The following AGO2 variants were observed in gnomAD, a reference collection of about 807,000 sequenced individuals.
AGO2 encodes protein argonaute-2.
A neutral mutation model predicts 102.3 loss-of-function variants in AGO2; 5 were observed. The ratio of observed to expected loss-of-function variants is 0.05; its 90% CI spans 0.03 to 0.10. AGO2 has a LOEUF of 0.10. Among genes scored for constraint, AGO2 ranks in the 10% least tolerant of loss-of-function variants. AGO2 has a pLI of 1.00. For missense variants in AGO2, 541 were observed against 1,183.7 expected, an observed-to-expected ratio of 0.46 and a Z score of 7.97; for synonymous variants, 449 against 473.1, an observed-to-expected ratio of 0.95 and a Z score of 0.66.
At chr8:140,561,841 C>T (rs941022940) in intron 4 of AGO2, among the ~76,000 whole-genome samples, 6 of 152,226 alleles carry the variant, frequency 3.9e-5, no homozygotes, top group African/African-American at 1.4e-4. Context: ...TGTTCCCGGG[C>T]ACCAGTGTGA....
At chr8:140,586,537 T>C (rs2073658984) in intron 1 of AGO2, among the ~76,000 whole-genome samples, 1 of 152,134 alleles carries the variant, frequency 6.6e-6, no homozygotes, top group African/African-American at 2.4e-5. Context: ...GCAGCACCCA[T>C]GCTGCCACCA....
chr8:140,558,827 C>T (rs1002737699), intron 6 of AGO2, among the ~76,000 whole-genome samples: 3 of 152,308 alleles, frequency 2.0e-5, no homozygotes, highest in Middle Eastern at 6.8e-3. Context: ...TGCTGTTCTG[C>T]GCCCCCCATG....
intron 4 of AGO2, among the ~76,000 whole-genome samples, chr8:140,561,997 G>C (rs569846277): frequency 1.1e-4 from 16 of 152,304 alleles, no homozygotes; most frequent in African/African-American, 3.1e-4. Context: ...CCCAGCAATC[G>C]CAAGTGTGGC....
At chr8:140,640,517 C>G (rs991364007), upstream of AGO2, among the ~76,000 whole-genome samples, 1 of 151,820 alleles carries the variant, frequency 6.6e-6, no homozygotes, top group Non-Finnish European at 1.5e-5. Context: ...CTGAGGACAG[C>G]TGGTGTTTCT....
chr8:140,627,826 C>T (rs139804046), intron 1 of AGO2, among the ~76,000 whole-genome samples: 110 of 152,272 alleles, frequency 7.2e-4, no homozygotes, highest in African/African-American at 2.5e-3. Flanking sequence ...CAGAGCTCCA[C>T]GCTTCATCAG....
chr8:140,537,103 C>T (rs536336772), intron 16 of AGO2, among the ~76,000 whole-genome samples: 1 of 152,342 alleles, frequency 6.6e-6, no homozygotes, highest in South Asian at 2.1e-4. Flanking sequence ...TGAAAACATT[C>T]TTCCACTTCG....
chr8:140,532,484 C>A lies in AGO2; in HGVS notation c.2403G>T (p.Ala801=). 6.2e-7 allele frequency: 1 copy of A among 1,614,256 alleles called. No homozygotes were observed. Among genetic ancestry groups the A allele is most frequent in the Non-Finnish European group, 8.5e-7 (1 of 1,180,050 alleles). The change falls in exon 18 of 19, where the codon GCG becomes GCT. Residue 801 remains alanine, a synonymous_variant. Coordinates refer to ENST00000220592, the MANE Select transcript of AGO2 (RefSeq NM_012154.5). ...VRCTRSVSIP[A]PAYYAHLVAF... ...CCACCAGGTGAGCGTAGTATGCTGG[C>A]GCTGGGATGGACACGGAGCGTGTGC...
chr8:140,635,606 G>A lies in AGO2; in HGVS notation c.-100C>T. 5.9e-6 allele frequency: 5 copies of A among 846,912 alleles called. No individual in the cohort carries two copies. The highest frequency in any genetic ancestry group is 5.7e-6 in the Non-Finnish European group (4 of 706,648). The allele number at this position is 846,912 out of a possible 1,614,324, so 52.5% of individuals were successfully genotyped here. ...GAGGGAGCCGCCGGCCGCACGATCCGCCCCGGCGCGGCCGCCTCGCCAAAC... is the reference window on the plus strand; with the variant it reads ...GAGGGAGCCGCCGGCCGCACGATCCACCCCGGCGCGGCCGCCTCGCCAAAC... On this transcript the variant is annotated 5_prime_UTR_variant, in exon 1 of 19. Coordinates refer to ENST00000220592, the MANE Select transcript of AGO2 (RefSeq NM_012154.5).
chr8:140,633,288 G>T (rs1409118959), intron 1 of AGO2, among the ~76,000 whole-genome samples: 5 of 152,134 alleles, frequency 3.3e-5, no homozygotes, highest in Non-Finnish European at 5.9e-5. Flanking sequence ...AAAATTAAAA[G>T]CCTTAATGTG....
chr8:140,621,808 G>A (rs368977954), intron 1 of AGO2, among the ~76,000 whole-genome samples: 26 of 152,120 alleles, frequency 1.7e-4, no homozygotes, highest in African/African-American at 2.4e-4. Flanking sequence ...TGATGAGGAC[G>A]CGGAGAAACT....
chr8:140,562,393 C>CG lies in AGO2; in HGVS notation c.518+59dup, dbSNP rs879351873. On this transcript the variant is annotated intron_variant, in intron 4 of 18. Coordinates refer to ENST00000220592, the MANE Select transcript of AGO2 (RefSeq NM_012154.5). ...TTCCTCGGACAGATTTCAGACCCTG[C>CG]GGGGGGCCCTCGGAGCTGCAGGGGA... 24 of 1,550,978 alleles carry CG rather than the reference C, an allele frequency of 1.5e-5. No individual in the cohort carries two copies. The African/African-American group carries it at 1.6e-4, about 11-fold the overall frequency.
intron 6 of AGO2, 97 bp from the exon 7 acceptor site, chr8:140,558,669 G>A: frequency 7.3e-7 from 1 of 1,360,642 alleles, no homozygotes; most frequent in Admixed American, 1.8e-5. Flanking sequence ...TGTGGCTGGG[G>A]ACCCAAGTTA....
chr8:140,634,277 C>T (rs1345746610), intron 1 of AGO2, among the ~76,000 whole-genome samples: 2 of 152,290 alleles, frequency 1.3e-5, no homozygotes, highest in Non-Finnish European at 2.9e-5. Flanking sequence ...GTGGGGGCCA[C>T]CATCAACGGA....
intron 1 of AGO2, among the ~76,000 whole-genome samples, chr8:140,626,312 T>A (rs2074275891): frequency 1.3e-5 from 2 of 152,224 alleles, no homozygotes; most frequent in South Asian, 2.1e-4. Flanking sequence ...GTGTTATTTA[T>A]CAGAGATAAG....
intron 18 of AGO2, 99 bp downstream of exon 18, chr8:140,532,317 C>T: frequency 6.8e-7 from 1 of 1,465,500 alleles, no homozygotes; most frequent in Admixed American, 2.0e-5. Context: ...CCGGCTCCAG[C>T]CGCTGGGGCC....
At position 140,525,510 on chromosome 8, in the gene AGO2, C is replaced by T. The variant is rs2072489920; in HGVS notation, c.*6534G>A. 6.6e-6 allele frequency: 1 copy of T among 152,256 alleles called. No individual in the cohort carries two copies. Among genetic ancestry groups the T allele is most frequent in the Admixed American group, 6.5e-5 (1 of 15,284 alleles). The allele number at this position is 152,256 out of a possible 1,614,324, so 9.4% of individuals were successfully genotyped here. A position where few individuals can be genotyped will look rare whatever the true frequency, so the allele number is the denominator to read the frequency against. On this transcript the variant is annotated 3_prime_UTR_variant, in exon 19 of 19. Coordinates refer to ENST00000220592, the MANE Select transcript of AGO2 (RefSeq NM_012154.5). ...TTACAAAACATTCTCAGAGAGACTGCAAAGGACACTTAGCTCTTCCGGAAT... is the reference window on the plus strand; with the variant it reads ...TTACAAAACATTCTCAGAGAGACTGTAAAGGACACTTAGCTCTTCCGGAAT...
chr8:140,576,891 G>A (rs1588472559), intron 2 of AGO2, among the ~76,000 whole-genome samples: 4 of 152,072 alleles, frequency 2.6e-5, no homozygotes, highest in South Asian at 4.1e-4. Context: ...ACCGCTACAC[G>A]CAACACGACG....
upstream of AGO2, chr8:140,637,695 A>C (rs2074419789): frequency 6.6e-6 from 1 of 151,796 alleles, no homozygotes; most frequent in South Asian, 2.1e-4. Context: ...TACCCTCCAC[A>C]CCTGTGTTCA....
At chr8:140,603,356 G>C (rs937335588) in intron 1 of AGO2, among the ~76,000 whole-genome samples, 1 of 152,200 alleles carries the variant, frequency 6.6e-6, no homozygotes, top group East Asian at 1.9e-4. Context: ...TCCAGGGCCA[G>C]GTTGTTTTCT....
Sources: gnomAD v4.1 joint callset for allele counts (sites outside exome capture counted in the v4.1 genomes callset) on GRCh38, gnomAD v4.1.1 for gene constraint, MANE v1.5 for transcripts, NCBI Gene and HGNC (gene_info 2026-07-23, HGNC 2026-07-21) for gene names.